The following DOCK5 variants were observed in gnomAD, a reference collection of about 807,000 sequenced individuals.
DOCK5 encodes dedicator of cytokinesis protein 5.
In DOCK5, 142 loss-of-function variants were observed where a neutral mutation model predicts 251.8. The observed-to-expected ratio is 0.56, with a 90% confidence interval of 0.49 to 0.65. The LOEUF (loss-of-function observed/expected upper bound fraction) is 0.65. Ranked by LOEUF, DOCK5 falls within the 30% of genes least tolerant of loss-of-function variation. DOCK5 has a pLI of 0.00. For missense variants in DOCK5, 2,111 were observed against 2,312.3 expected (o/e 0.91, Z 1.79); for synonymous variants, 842 against 835.5 (o/e 1.01, Z -0.13).
At chr8:25,213,666 C>CT (rs1802158938) in intron 1 of DOCK5, among the ~76,000 whole-genome samples, 1 of 152,168 alleles carries the variant, frequency 6.6e-6, no homozygotes, top group South Asian at 2.1e-4. Context: ...ACCTCCTCAC[C>CT]CCCCAAAGAA....
chr8:25,264,670 A>C (rs1803689655), intron 2 of DOCK5, among the ~76,000 whole-genome samples: 1 of 151,710 alleles, frequency 6.6e-6, no homozygotes, highest in African/African-American at 2.4e-5. Flanking sequence ...TACTTAAAAT[A>C]CAAAAAATAA....
At chr8:25,291,615 G>A (rs997184982) in intron 5 of DOCK5, among the ~76,000 whole-genome samples, 3 of 149,904 alleles carry the variant, frequency 2.0e-5, no homozygotes, top group South Asian at 2.1e-4. Context: ...CCTGGGAGGT[G>A]GAGGTTACAG....
At chr8:25,239,519 T>C (rs1802889688) in intron 1 of DOCK5, among the ~76,000 whole-genome samples, 1 of 152,074 alleles carries the variant, frequency 6.6e-6, no homozygotes, top group Non-Finnish European at 1.5e-5. Context: ...GTGACCTCAC[T>C]ACTTCCTGTT....
chr8:25,326,169 A>G (rs1406475264), intron 18 of DOCK5, among the ~76,000 whole-genome samples: 2 of 152,218 alleles, frequency 1.3e-5, no homozygotes, highest in Admixed American at 6.5e-5. Flanking sequence ...TAACTTAAGT[A>G]ATGTGTAAGG....
Position 25,395,543 on chromosome 8 carries a change from G to A in DOCK5, c.4528G>A (p.Glu1510Lys). ...TTCTCCCATGTGCTCTGTCACTCAG[G>A]AAGAGATCAGTCCTCTGGAGAATGC... ...KWFEVKQIST[E>K]EISPLENAIE... Residue 1510 changes from glutamate to lysine, a missense_variant and splice_region_variant, in exon 45 of 52, where the codon GAA becomes AAA. Glu to Lys is a moderately conservative substitution (Grantham distance 56, BLOSUM62 1). Coordinates refer to ENST00000276440, the MANE Select transcript of DOCK5 (RefSeq NM_024940.8). 6.2e-7 allele frequency: 1 copy of A among 1,608,776 alleles called. No homozygotes were observed. Among genetic ancestry groups the A allele is most frequent in the Non-Finnish European group, 8.5e-7 (1 of 1,178,804 alleles).
At chr8:25,380,263 G>A in intron 38 of DOCK5, 42 bp from the exon 39 acceptor site, 1 of 1,559,096 alleles carries the variant, frequency 6.4e-7, no homozygotes, top group Non-Finnish European at 8.7e-7. Context: ...ATCAATGACT[G>A]CCTTGTTCTC....
intron 1 of DOCK5, among the ~76,000 whole-genome samples, chr8:25,194,734 C>T (rs141067087): frequency 2.0e-5 from 3 of 152,138 alleles, no homozygotes; most frequent in Admixed American, 2.0e-4. Context: ...ACCCCAGAAC[C>T]GCACTTTCCC....
intron 2 of DOCK5, among the ~76,000 whole-genome samples, chr8:25,248,102 G>A (rs1159554615): frequency 6.6e-6 from 1 of 152,140 alleles, no homozygotes; most frequent in Non-Finnish European, 1.5e-5. Context: ...TAACCACCAA[G>A]GGGCAGGTCA....
rs1801265623 is a variant in DOCK5 at position 25,391,887 on chromosome 8, C to CTGAA, written c.4356-8_4356-7insGAAT. On this transcript the variant is annotated splice_polypyrimidine_tract_variant and intron_variant, in intron 42 of 51. Transcript: ENST00000276440. ...GAGAAAAATACAGCATTGCTTTGTCCTTCTCCAGCTACTACAGAGCCAATG... is the reference window on the plus strand; with the variant it reads ...GAGAAAAATACAGCATTGCTTTGTCCTGAATTCTCCAGCTACTACAGAGCCAATG... 2 of 1,613,254 alleles carry CTGAA rather than the reference C, an allele frequency of 1.2e-6. No individual in the cohort carries two copies. Among genetic ancestry groups the CTGAA allele is most frequent in the East Asian group, 4.5e-5 (2 of 44,830 alleles).
intron 34 of DOCK5, among the ~76,000 whole-genome samples, chr8:25,370,695 T>C (rs1800857991): frequency 6.6e-6 from 1 of 152,062 alleles, no homozygotes; most frequent in South Asian, 2.1e-4. Flanking sequence ...TGTGTAGAAA[T>C]GGGGTCTTGC....
intron 39 of DOCK5, among the ~76,000 whole-genome samples, chr8:25,380,797 T>TAGGCAGCCACCATTCTGAAAGCTCAGTGG (rs1563223377): frequency 6.6e-6 from 1 of 152,128 alleles, no homozygotes; most frequent in African/African-American, 2.4e-5. Flanking sequence ...TGCCCAGTGT[T>TAGGCAGCCACCATTCTGAAAGCTCAGTGG]AGGCAGCCAC....
chr8:25,379,125 G>C (rs1349939936), intron 38 of DOCK5, among the ~76,000 whole-genome samples: 1 of 152,210 alleles, frequency 6.6e-6, no homozygotes, highest in Non-Finnish European at 1.5e-5. Flanking sequence ...ATGTTCAGCG[G>C]TGCACGTATA....
At chr8:25,271,469 C>A (rs1037410471) in intron 3 of DOCK5, among the ~76,000 whole-genome samples, 47 of 152,276 alleles carry the variant, frequency 3.1e-4, no homozygotes, top group African/African-American at 9.1e-4. Context: ...TCATTAGAAA[C>A]GCTCTCCTGT....
intron 13 of DOCK5, among the ~76,000 whole-genome samples, chr8:25,312,704 A>G (rs549693456): frequency 1.2e-4 from 17 of 147,002 alleles, no homozygotes; most frequent in African/African-American, 4.3e-4. Flanking sequence ...CGGTGGTTGC[A>G]GTGAGCTGAG....
At position 25,335,718 on chromosome 8, in the gene DOCK5, C is replaced by T. The variant is rs989115414; in HGVS notation, c.2193-521C>T. Reference sequence around the variant, plus strand: ...CAAAGAGCAACCTATAACCCCAGAACAGCTTTATCTGTTGAATGCTTAGAA... The same window carrying T: ...CAAAGAGCAACCTATAACCCCAGAATAGCTTTATCTGTTGAATGCTTAGAA... On this transcript the variant is annotated intron_variant, in intron 21 of 51. Coordinates refer to ENST00000276440, the MANE Select transcript of DOCK5 (RefSeq NM_024940.8). Among the ~76,000 whole-genome samples the T allele has an allele frequency of 2.6e-5, 4 of 152,248 alleles. No homozygotes were observed. The East Asian group carries it at 7.7e-4, about 29-fold the overall frequency.
intron 4 of DOCK5, among the ~76,000 whole-genome samples, chr8:25,276,742 A>G (rs954137774): frequency 6.6e-6 from 1 of 152,212 alleles, no homozygotes; most frequent in Non-Finnish European, 1.5e-5. Context: ...TGGCAATTCC[A>G]CTTAAAATTA....
At chr8:25,221,614 C>T (rs1802393066) in intron 1 of DOCK5, among the ~76,000 whole-genome samples, 1 of 152,106 alleles carries the variant, frequency 6.6e-6, no homozygotes, top group South Asian at 2.1e-4. Flanking sequence ...GCCCATTCTG[C>T]CAAATCTTAA....
At chr8:25,336,402 G>A in intron 22 of DOCK5, 29 bp downstream of exon 22, 1 of 1,606,578 alleles carries the variant, frequency 6.2e-7, no homozygotes, top group Non-Finnish European at 8.5e-7. Context: ...AAGATGTTTA[G>A]ATTATCAGCT....
chr8:25,303,957 C>T (rs1406573581), intron 10 of DOCK5, among the ~76,000 whole-genome samples: 1 of 152,140 alleles, frequency 6.6e-6, no homozygotes, highest in Non-Finnish European at 1.5e-5. Flanking sequence ...AGGAGCAAGA[C>T]TGTCTTTTAA....
Sources: gnomAD v4.1 joint callset for allele counts (sites outside exome capture counted in the v4.1 genomes callset) on GRCh38, gnomAD v4.1.1 for gene constraint, MANE v1.5 for transcripts, NCBI Gene and HGNC (gene_info 2026-07-23, HGNC 2026-07-21) for gene names.